CNTN1: variants seen among roughly 807,000 people sequenced by gnomAD.
The protein encoded by CNTN1 is contactin-1.
In CNTN1, 38 loss-of-function variants were observed where a neutral mutation model predicts 126.4. The ratio of observed to expected loss-of-function variants is 0.30; its 90% CI spans 0.23 to 0.39. The LOEUF (loss-of-function observed/expected upper bound fraction) is 0.39. Among genes scored for constraint, CNTN1 ranks in the 10% least tolerant of loss-of-function variants. The probability of loss-of-function intolerance (pLI) is 1.00; values close to 1 mark genes in which losing one functional copy is unlikely to be tolerated. For synonymous variants in CNTN1, 413 were observed against 422.6 expected, an observed-to-expected ratio of 0.98 and a Z score of 0.28; for missense variants, 1,009 against 1,248.4, an observed-to-expected ratio of 0.81 and a Z score of 2.89.
rs59993134 is a variant in CNTN1 at position 40,707,046 on chromosome 12, G to GCA, written c.-77+14496_-77+14497dup. 2.3e-3 allele frequency among the ~76,000 whole-genome samples: 345 copies of GCA among 149,394 alleles called. 3 individuals are homozygous for GCA. Among genetic ancestry groups the GCA allele is most frequent in the African/African-American group, 7.9e-3 (320 of 40,398 alleles). ...TAAAGACGTGCGCGCGCGCGCTTGC[G>GCA]CACACACACACACACACACACACAC... On this transcript the variant is annotated intron_variant, in intron 1 of 23. Transcript: ENST00000551295.
At chr12:40,754,387 A>G (rs528384744) in intron 1 of CNTN1, among the ~76,000 whole-genome samples, 5 of 152,284 alleles carry the variant, frequency 3.3e-5, no homozygotes, top group East Asian at 1.9e-4. Flanking sequence ...ATTCTCCTGC[A>G]TACTTTAAAT....
intron 3 of CNTN1, among the ~76,000 whole-genome samples, chr12:40,911,208 G>A (rs1945017068): frequency 6.6e-6 from 1 of 152,112 alleles, no homozygotes; most frequent in Non-Finnish European, 1.5e-5. Flanking sequence ...AGCCTCCCGA[G>A]TAGCTGGGAC....
chr12:40,779,064 C>G (rs527931679), intron 1 of CNTN1, among the ~76,000 whole-genome samples: 1 of 151,782 alleles, frequency 6.6e-6, no homozygotes, highest in South Asian at 2.1e-4. Context: ...CAAATACTAG[C>G]TGTATAATTT....
intron 14 of CNTN1, among the ~76,000 whole-genome samples, chr12:40,945,407 T>A (rs1275097936): frequency 3.3e-5 from 5 of 152,068 alleles, no homozygotes; most frequent in Non-Finnish European, 7.4e-5. Context: ...TAAACAGGGA[T>A]CTTACTTTCT....
chr12:40,946,045 G>A (rs577427202), intron 14 of CNTN1, among the ~76,000 whole-genome samples: 1 of 152,232 alleles, frequency 6.6e-6, no homozygotes, highest in Admixed American at 6.6e-5. Context: ...TAGATGGACA[G>A]ATGCATTCAA....
At chr12:40,874,641 C>G (rs981864091) in intron 1 of CNTN1, among the ~76,000 whole-genome samples, 10 of 152,058 alleles carry the variant, frequency 6.6e-5, no homozygotes, top group Non-Finnish European at 1.5e-5. Flanking sequence ...TTTATTTTCA[C>G]TGCTATGCAC....
At chr12:41,067,225 G>A (rs772615861) in intron 23 of CNTN1, among the ~76,000 whole-genome samples, 1 of 152,082 alleles carries the variant, frequency 6.6e-6, no homozygotes, top group Non-Finnish European at 1.5e-5. Context: ...TATAACACAC[G>A]TAAACATGGA....
At chr12:40,720,976 T>TATATATATATATATA (rs762942012) in intron 1 of CNTN1, among the ~76,000 whole-genome samples, 19 of 150,916 alleles carry the variant, frequency 1.3e-4, no homozygotes, top group Non-Finnish European at 2.2e-4. Flanking sequence ...TGTATATATG[T>TATATATATATATATA]TATAACATAT....
chr12:40,833,437 G>A (rs1028815388), intron 1 of CNTN1, among the ~76,000 whole-genome samples: 6 of 151,964 alleles, frequency 3.9e-5, no homozygotes, highest in Non-Finnish European at 7.4e-5. Flanking sequence ...CAGATCTGTT[G>A]TCTTTAACAA....
Position 40,888,801 on chromosome 12 carries a change from G to A in CNTN1, c.-76-19556G>A, listed in dbSNP as rs926787089. 2.6e-5 allele frequency among the ~76,000 whole-genome samples: 4 copies of A among 152,220 alleles called. No homozygotes were observed. In the South Asian group the frequency reaches 8.3e-4, roughly 31 times the overall value. ...ATAAACAGAGTTAAGAGTCTAACAAGCTGGGTGGCTTTCCACAAACAAAAC... is the reference window on the plus strand; with the variant it reads ...ATAAACAGAGTTAAGAGTCTAACAAACTGGGTGGCTTTCCACAAACAAAAC... On this transcript the variant is annotated intron_variant, in intron 1 of 23. Coordinates refer to ENST00000551295, the MANE Select transcript of CNTN1 (RefSeq NM_001843.4).
At chr12:40,727,299 A>G (rs1324182497) in intron 1 of CNTN1, among the ~76,000 whole-genome samples, 3 of 152,006 alleles carry the variant, frequency 2.0e-5, no homozygotes, top group Non-Finnish European at 4.4e-5. Flanking sequence ...AAATGACATA[A>G]AGCTGTAAAT....
At chr12:40,916,835 A>G (rs796829604) in intron 3 of CNTN1, among the ~76,000 whole-genome samples, 5 of 152,134 alleles carry the variant, frequency 3.3e-5, no homozygotes, top group African/African-American at 9.6e-5. Context: ...CAATAACTAG[A>G]AAAGTTCATG....
intron 1 of CNTN1, among the ~76,000 whole-genome samples, chr12:40,782,820 T>TA (rs993848768): frequency 6.6e-6 from 1 of 151,778 alleles, no homozygotes; most frequent in Admixed American, 6.6e-5. Context: ...GGTAGCCAAA[T>TA]AAAAAAAATT....
intron 1 of CNTN1, among the ~76,000 whole-genome samples, chr12:40,897,089 C>A (rs992265931): frequency 3.9e-5 from 6 of 152,136 alleles, no homozygotes; most frequent in African/African-American, 1.4e-4. Context: ...TATTGCCTAG[C>A]ATAATGCCTA....
chr12:40,885,301 T>C (rs1371865901), intron 1 of CNTN1, among the ~76,000 whole-genome samples: 2 of 151,978 alleles, frequency 1.3e-5, no homozygotes, highest in African/African-American at 4.8e-5. Flanking sequence ...ATGTAAGGTG[T>C]CTGGCACACA....
chr12:40,854,987 AAT>A (rs1942850681), intron 1 of CNTN1, among the ~76,000 whole-genome samples: 1 of 152,108 alleles, frequency 6.6e-6, no homozygotes, highest in Non-Finnish European at 1.5e-5. Context: ...TAGGGAAGGC[AAT>A]GAGAGACCCT....
In CNTN1 at chr12:40,725,434, A is replaced by AT. The variant is rs1437133811; in HGVS notation, c.-77+32842_-77+32843insT. Among the ~76,000 whole-genome samples, 441 of 150,960 alleles carry AT rather than the reference A, an allele frequency of 2.9e-3. 1 individual carries two copies. Among genetic ancestry groups the AT allele is most frequent in the Middle Eastern group, 0.01 (3 of 286 alleles). ...AAAAAAAAAAAAAAAGGAAAGAAAA[A>AT]AAAAGAAAATTTGTAATGGGAAATT... On this transcript the variant is annotated intron_variant, in intron 1 of 23. Coordinates refer to ENST00000551295, the MANE Select transcript of CNTN1 (RefSeq NM_001843.4).
intron 1 of CNTN1, among the ~76,000 whole-genome samples, chr12:40,886,816 A>G (rs1218552393): frequency 2.0e-5 from 3 of 152,196 alleles, no homozygotes; most frequent in African/African-American, 7.2e-5. Context: ...ACCATTTATT[A>G]AATAGGGAAT....
At chr12:40,857,234 TAACA>T (rs920718821) in intron 1 of CNTN1, among the ~76,000 whole-genome samples, 11 of 151,886 alleles carry the variant, frequency 7.2e-5, no homozygotes, top group African/African-American at 2.4e-4. Context: ...TCAATTTTAA[TAACA>T]AATCTACACA....
Sources: gnomAD v4.1 joint callset for allele counts (sites outside exome capture counted in the v4.1 genomes callset) on GRCh38, gnomAD v4.1.1 for gene constraint, MANE v1.5 for transcripts, NCBI Gene and HGNC (gene_info 2026-07-23, HGNC 2026-07-21) for gene names.